The following PTPRD variants were observed in gnomAD, a reference collection of about 807,000 sequenced individuals.
The protein encoded by PTPRD is receptor-type tyrosine-protein phosphatase delta.
Under a neutral mutation model 214.5 loss-of-function variants are expected in PTPRD, and 34 were observed. The observed-to-expected ratio is 0.16, with a 90% CI of 0.12 to 0.21. PTPRD has a LOEUF of 0.21. Ranked by LOEUF, PTPRD falls within the 10% of genes least tolerant of loss-of-function variation. The pLI, the probability that PTPRD is intolerant of heterozygous loss-of-function variation, is 1.00. For missense variants in PTPRD, 2,545 were observed against 2,398.7 expected (o/e 1.06, Z -1.27); for synonymous variants, 1,128 against 845.7 (o/e 1.33, Z -5.79).
intron 14 of PTPRD, among the ~76,000 whole-genome samples, chr9:8,548,067 T>C (rs1227228753): frequency 6.6e-6 from 1 of 152,178 alleles, no homozygotes; most frequent in African/African-American, 2.4e-5. Flanking sequence ...AATAACGATT[T>C]TGCTGGAGAC....
intron 2 of PTPRD, among the ~76,000 whole-genome samples, chr9:10,368,976 T>C (rs1443260228): frequency 6.6e-6 from 1 of 152,190 alleles, no homozygotes; most frequent in East Asian, 1.9e-4. Flanking sequence ...ATGGCTTCAG[T>C]CATATCTGTT....
chr9:9,495,671 T>A (rs2096147168), intron 8 of PTPRD, among the ~76,000 whole-genome samples: 1 of 152,090 alleles, frequency 6.6e-6, no homozygotes, highest in Non-Finnish European at 1.5e-5. Flanking sequence ...TGAGAGCTGT[T>A]TTCATCACTC....
chr9:10,241,738 T>A (rs1353806476), intron 3 of PTPRD, among the ~76,000 whole-genome samples: 2 of 151,940 alleles, frequency 1.3e-5, no homozygotes, highest in Non-Finnish European at 2.9e-5. Flanking sequence ...CTTTTGGGGA[T>A]GATGGATCTG....
At chr9:8,571,320 A>C (rs183049636) in intron 14 of PTPRD, among the ~76,000 whole-genome samples, 59 of 152,262 alleles carry the variant, frequency 3.9e-4, no homozygotes, top group African/African-American at 1.3e-3. Flanking sequence ...ACAAAGCTTC[A>C]TAGCTAACAA....
intron 2 of PTPRD, among the ~76,000 whole-genome samples, chr9:10,483,485 G>A (rs1193447136): frequency 1.3e-5 from 2 of 151,694 alleles, no homozygotes; most frequent in South Asian, 2.1e-4. Flanking sequence ...TCAGGGTAAA[G>A]AGAGAATCTA....
chr9:8,543,004 T>C (rs886803008), intron 14 of PTPRD, among the ~76,000 whole-genome samples: 1 of 152,166 alleles, frequency 6.6e-6, no homozygotes, highest in African/African-American at 2.4e-5. Flanking sequence ...TGACAGCCAA[T>C]GGTCTCCTGA....
At chr9:10,105,543 C>A (rs2154219406) in intron 3 of PTPRD, among the ~76,000 whole-genome samples, 1 of 151,926 alleles carries the variant, frequency 6.6e-6, no homozygotes, top group African/African-American at 2.4e-5. Flanking sequence ...TGAGATGAAG[C>A]AGTTCAGTTA....
intron 39 of PTPRD, among the ~76,000 whole-genome samples, chr9:8,359,139 C>T (rs111951614): frequency 3.8e-4 from 5 of 13,262 alleles, no homozygotes; most frequent in East Asian, 4.3e-3. Context: ...AAAAAAAAAA[C>T]AAAAAAAAAT....
chr9:9,633,634 T>C (rs1003745550), intron 7 of PTPRD, among the ~76,000 whole-genome samples: 3 of 152,214 alleles, frequency 2.0e-5, no homozygotes, highest in Non-Finnish European at 2.9e-5. Context: ...AATCTTATTA[T>C]TCATGTTCGA....
At chr9:9,939,455 T>C (rs1000035112) in intron 4 of PTPRD, among the ~76,000 whole-genome samples, 1 of 152,320 alleles carries the variant, frequency 6.6e-6, no homozygotes. Context: ...AGTTTGTTGC[T>C]GAACTGAATT....
At chr9:9,791,536 T>A (rs1190734666) in intron 5 of PTPRD, among the ~76,000 whole-genome samples, 1 of 152,166 alleles carries the variant, frequency 6.6e-6, no homozygotes, top group Non-Finnish European at 1.5e-5. Flanking sequence ...CCCCTGATGA[T>A]AAGTTTCTCT....
At chr9:8,513,126 A>G (rs569537484) in intron 21 of PTPRD, among the ~76,000 whole-genome samples, 1 of 152,178 alleles carries the variant, frequency 6.6e-6, no homozygotes, top group South Asian at 2.1e-4. Context: ...GCCAGAAGTT[A>G]GAGCTATGGA....
chr9:10,226,680 T>C (rs924444163), intron 3 of PTPRD, among the ~76,000 whole-genome samples: 6 of 152,048 alleles, frequency 3.9e-5, no homozygotes, highest in African/African-American at 1.4e-4. Context: ...CACTTGCCCA[T>C]GAAGCTAGCC....
chr9:9,583,797 C>G (rs980481586), intron 7 of PTPRD, among the ~76,000 whole-genome samples: 3 of 152,044 alleles, frequency 2.0e-5, no homozygotes, highest in African/African-American at 7.2e-5. Context: ...GAGACTCAGT[C>G]TTATAGTTGC....
At chr9:10,555,189 C>T (rs2062251840) in intron 2 of PTPRD, among the ~76,000 whole-genome samples, 1 of 152,098 alleles carries the variant, frequency 6.6e-6, no homozygotes, top group Admixed American at 6.6e-5. Context: ...TAAAAATGAC[C>T]TGATTCCAAA....
intron 4 of PTPRD, among the ~76,000 whole-genome samples, chr9:9,981,521 AT>A (rs71321208): frequency 0.85 from 127,371 of 150,082 alleles, 54,540 homozygotes; most frequent in Middle Eastern, 0.91. Context: ...TGCCTGGCTA[AT>A]TTTTTTTTGT....
intron 3 of PTPRD, among the ~76,000 whole-genome samples, chr9:10,183,827 A>G (rs542202930): frequency 4.5e-4 from 69 of 152,352 alleles, no homozygotes; most frequent in African/African-American, 1.6e-3. Flanking sequence ...TAGGCAAACA[A>G]TGAAATGCCA....
chr9:9,524,327 A>G (rs2073488724), intron 8 of PTPRD, among the ~76,000 whole-genome samples: 1 of 152,136 alleles, frequency 6.6e-6, no homozygotes, highest in Non-Finnish European at 1.5e-5. Context: ...TTCAGTCTCA[A>G]AAATCACAAC....
At chr9:9,234,108 T>A (rs1468284663) in intron 9 of PTPRD, among the ~76,000 whole-genome samples, 1 of 152,146 alleles carries the variant, frequency 6.6e-6, no homozygotes, top group African/African-American at 2.4e-5. Flanking sequence ...TGCAGCAAAC[T>A]TCTGCCTGGA....
Sources: gnomAD v4.1 joint callset for allele counts (sites outside exome capture counted in the v4.1 genomes callset) on GRCh38, gnomAD v4.1.1 for gene constraint, MANE v1.5 for transcripts, NCBI Gene and HGNC (gene_info 2026-07-23, HGNC 2026-07-21) for gene names.